FOXK1: variants seen among roughly 807,000 people sequenced by gnomAD.
FOXK1 encodes forkhead box protein K1.
FOXK1 carries 19 observed loss-of-function variants against 51.9 expected under a neutral mutation model. That is an observed-to-expected ratio of 0.37 (90% CI 0.26 to 0.54). FOXK1 has a LOEUF of 0.54. Among genes scored for constraint, FOXK1 ranks in the 20% least tolerant of loss-of-function variants. The pLI is 0.87. For synonymous variants in FOXK1, 537 were observed against 482.6 expected, an observed-to-expected ratio of 1.11 and a Z score of -1.48; for missense variants, 870 against 1,032.7, an observed-to-expected ratio of 0.84 and a Z score of 2.16.
In FOXK1 at chr7:4,697,729, AG is replaced by A. The variant is rs550890160; in HGVS notation, c.560+14863del. Among the ~76,000 whole-genome samples the A allele has an allele frequency of 1.1e-3, 168 of 147,490 alleles. 8 individuals are homozygous for A. In the South Asian group the frequency reaches 0.037, roughly 32 times the overall value. On this transcript the variant is annotated intron_variant, in intron 1 of 8. Coordinates refer to ENST00000328914, the MANE Select transcript of FOXK1 (RefSeq NM_001037165.2). ...TTTCTAAAGGTTAGTGTTTACATACAGGAAAGATAGGCTGTGTGTGTGTGTG... is the reference window on the plus strand; with the variant it reads ...TTTCTAAAGGTTAGTGTTTACATACAGAAAGATAGGCTGTGTGTGTGTGTG...
At chr7:4,701,255 G>A (rs547699850) in intron 1 of FOXK1, among the ~76,000 whole-genome samples, 1 of 152,268 alleles carries the variant, frequency 6.6e-6, no homozygotes, top group Admixed American at 6.5e-5. Flanking sequence ...TCAAAGGACG[G>A]GGGGCTAGAA....
Position 4,762,145 on chromosome 7 carries a change from A to G in FOXK1, c.1922-39A>G. ...ACTTGAAAAAAGCAGCTGGGTCCTA[A>G]CCAGACCCCAGAGTAACCCTCTTCT... On this transcript the variant is annotated intron_variant, in intron 8 of 8. Coordinates refer to ENST00000328914, the MANE Select transcript of FOXK1 (RefSeq NM_001037165.2). This position sits in a 1 kb window ranked among gnomAD's most constrained non-coding sequence, Gnocchi z 5.7. 6.5e-7 allele frequency: 1 copy of G among 1,527,430 alleles called. No individual in the cohort carries two copies. The highest frequency in any genetic ancestry group is 8.8e-7 in the Non-Finnish European group (1 of 1,130,908). 94.6% of individuals were successfully genotyped at this position (1,527,430 alleles called of 1,614,324 possible).
intron 1 of FOXK1, among the ~76,000 whole-genome samples, chr7:4,699,401 C>T (rs1351074580): frequency 6.7e-6 from 1 of 149,330 alleles, no homozygotes; most frequent in East Asian, 2.0e-4. Context: ...AGACATCTCA[C>T]TCTGTCACCC....
intron 1 of FOXK1, among the ~76,000 whole-genome samples, chr7:4,705,703 T>TA (rs1416584258): frequency 6.6e-6 from 1 of 151,372 alleles, no homozygotes. Context: ...CATGCCCGGC[T>TA]AATTTTTGTA....
Position 4,704,725 on chromosome 7 carries a change from AT to A in FOXK1, c.560+21865del, listed in dbSNP as rs573664519. On this transcript the variant is annotated intron_variant, in intron 1 of 8. Transcript: ENST00000328914. ...GCCCATCTGTAGTTATACTTTTTAA[AT>A]TTTTTTTCTTCTGTTGTTTCTGTAG... 5.2e-3 allele frequency among the ~76,000 whole-genome samples: 785 copies of A among 150,760 alleles called. 12 individuals carry two copies. Among genetic ancestry groups the A allele is most frequent in the African/African-American group, 0.019 (758 of 40,732 alleles).
Position 4,762,174 on chromosome 7 carries a change from T to C in FOXK1, c.1922-10T>C. The C allele has an allele frequency of 1.9e-6, 3 of 1,543,010 alleles. No homozygotes were observed. Among genetic ancestry groups the C allele is most frequent in the Non-Finnish European group, 2.6e-6 (3 of 1,139,742 alleles). ...GACCCCAGAGTAACCCTCTTCTTCC[T>C]CCACTCCAGCCCTCACCAGCCCTTT... is the stretch of plus-strand genomic sequence containing the variant. On this transcript the variant is annotated splice_polypyrimidine_tract_variant and intron_variant, in intron 8 of 8. Transcript: ENST00000328914. The surrounding 1 kb of genome is among the most constrained non-coding windows in gnomAD (Gnocchi z 5.7).
At chr7:4,710,767 T>C (rs917302940) in intron 1 of FOXK1, among the ~76,000 whole-genome samples, 4 of 152,110 alleles carry the variant, frequency 2.6e-5, no homozygotes, top group African/African-American at 9.7e-5. Context: ...GGTTCTGGGC[T>C]GGTCTGCACG....
intron 1 of FOXK1, among the ~76,000 whole-genome samples, chr7:4,705,573 C>T (rs546295506): frequency 2.1e-4 from 31 of 150,810 alleles, no homozygotes; most frequent in Admixed American, 1.8e-3. Flanking sequence ...CTCGCTCTCT[C>T]GTCGCCAGGC....
intron 1 of FOXK1, among the ~76,000 whole-genome samples, chr7:4,708,636 C>T (rs561019133): frequency 6.6e-6 from 1 of 152,296 alleles, no homozygotes; most frequent in Admixed American, 6.5e-5. Flanking sequence ...GAGAGTTCTC[C>T]CTGGTGTTTT....
chr7:4,688,979 CTT>C (rs565201321), intron 1 of FOXK1, among the ~76,000 whole-genome samples: 7 of 141,798 alleles, frequency 4.9e-5, no homozygotes, highest in Non-Finnish European at 6.2e-5. Context: ...CTCACCTGCA[CTT>C]TTTTTTTTTT....
chr7:4,736,246 A>C (rs1206385916), intron 1 of FOXK1, among the ~76,000 whole-genome samples: 1 of 152,190 alleles, frequency 6.6e-6, no homozygotes, highest in Non-Finnish European at 1.5e-5. Flanking sequence ...TACGGCAGAT[A>C]CTGTGAAAAT....
intron 1 of FOXK1, among the ~76,000 whole-genome samples, chr7:4,704,365 C>T (rs751280355): frequency 1.3e-5 from 2 of 149,496 alleles, no homozygotes; most frequent in Non-Finnish European, 3.0e-5. Context: ...GCAGGAGAAT[C>T]ACTTGAACTC....
chr7:4,698,267 A>G (rs368310301), intron 1 of FOXK1, among the ~76,000 whole-genome samples: 3 of 151,958 alleles, frequency 2.0e-5, no homozygotes, highest in South Asian at 4.2e-4. Context: ...TTTTCTCTAT[A>G]TATGTATGTT....
chr7:4,705,966 A>G (rs1376036860), intron 1 of FOXK1, among the ~76,000 whole-genome samples: 1 of 72,064 alleles, frequency 1.4e-5, no homozygotes, highest in Non-Finnish European at 2.6e-5. Flanking sequence ...ATATGTATAT[A>G]TATATACGTA....
At chr7:4,744,770 A>C (rs1005958769) in intron 2 of FOXK1, among the ~76,000 whole-genome samples, 1 of 152,140 alleles carries the variant, frequency 6.6e-6, no homozygotes, top group African/African-American at 2.4e-5. Flanking sequence ...GTGGGGGGCC[A>C]CCCCTTTCCC....
At position 4,707,327 on chromosome 7, in the gene FOXK1, G is replaced by A. The variant is rs1780114799; in HGVS notation, c.560+24459G>A. Among the ~76,000 whole-genome samples, 2 of 152,182 alleles carry A rather than the reference G, an allele frequency of 1.3e-5. No individual in the cohort carries two copies. Among genetic ancestry groups the A allele is most frequent in the African/African-American group, 4.8e-5 (2 of 41,444 alleles). On this transcript the variant is annotated intron_variant, in intron 1 of 8. Transcript: ENST00000328914. This position sits in a 1 kb window ranked among gnomAD's most constrained non-coding sequence, Gnocchi z 4.1. ...CAGGGAAAACTCTTGTGATGAATGG[G>A]CCATCCGGGATAAACAGATGGGACG...
intron 1 of FOXK1, among the ~76,000 whole-genome samples, chr7:4,688,617 T>A (rs754132042): frequency 1.1e-4 from 16 of 152,024 alleles, no homozygotes; most frequent in Non-Finnish European, 1.9e-4. Context: ...CGAAGTCCTG[T>A]CTCCAGTGAT....
At chr7:4,757,258 G>A in intron 5 of FOXK1, 71 bp downstream of exon 5, 2 of 1,366,338 alleles carry the variant, frequency 1.5e-6, no homozygotes, top group South Asian at 2.7e-5. Context: ...AGAGATACGT[G>A]GCGCAGTCAG....
rs1780422635 is a variant in FOXK1 at position 4,729,481 on chromosome 7, C to T, written c.561-11357C>T. Among the ~76,000 whole-genome samples, 2 of 152,284 alleles carry T rather than the reference C, an allele frequency of 1.3e-5. No individual in the cohort carries two copies. Among genetic ancestry groups the T allele is most frequent in the South Asian group, 4.1e-4 (2 of 4,828 alleles). On this transcript the variant is annotated intron_variant, in intron 1 of 8. Coordinates refer to ENST00000328914, the MANE Select transcript of FOXK1 (RefSeq NM_001037165.2). The surrounding 1 kb of genome is among the most constrained non-coding windows in gnomAD (Gnocchi z 6.2). ...GGGGATTTTGAAGGAGCTGTGAACA[C>T]CGAGGGTGCCGTCCTCGCCTGTGCT...
Sources: allele counts gnomAD v4.1 joint callset (sites outside exome capture counted in the v4.1 genomes callset), GRCh38; gene constraint gnomAD v4.1.1; non-coding constraint Gnocchi (gnomAD v3.1); transcripts MANE v1.5; gene names NCBI Gene and HGNC (gene_info 2026-07-23, HGNC 2026-07-21).